Variants in CTNNA2 observed in about 807,000 individuals in gnomAD.
The protein encoded by CTNNA2 is catenin alpha-2.
CTNNA2 carries 42 observed loss-of-function variants against 101.0 expected under a neutral mutation model. That is an observed-to-expected ratio of 0.42 (90% CI 0.32 to 0.54). CTNNA2 has a LOEUF of 0.54. CTNNA2 is among the 20% of genes least tolerant of loss of function. CTNNA2 has a pLI of 0.14. For synonymous variants in CTNNA2, 450 were observed against 456.4 expected (o/e 0.99, Z 0.18); for missense variants, 871 against 1,223.1 (o/e 0.71, Z 4.29).
rs111941803 is a variant in CTNNA2, at chr2:80,152,575, A to C, written c.1057-240636A>C. Among the ~76,000 whole-genome samples, 767 of 152,288 alleles carry C rather than the reference A, an allele frequency of 5.0e-3. 9 individuals are homozygous for C. Among genetic ancestry groups the C allele is most frequent in the African/African-American group, 0.017 (719 of 41,558 alleles). On this transcript the variant is annotated intron_variant, in intron 7 of 18. Transcript: ENST00000402739. ...TATTAAAAGCTCCAAATGACTAGGAACAAAGTGCTTAATATTCTCCAGCAA... is the reference window on the plus strand; with the variant it reads ...TATTAAAAGCTCCAAATGACTAGGACCAAAGTGCTTAATATTCTCCAGCAA...
At chr2:79,759,460 T>C (rs1052736810) in intron 3 of CTNNA2, among the ~76,000 whole-genome samples, 1 of 152,148 alleles carries the variant, frequency 6.6e-6, no homozygotes, top group African/African-American at 2.4e-5. Flanking sequence ...TCCCATACTT[T>C]TTCTCTGGTT....
chr2:80,581,849 C>T, intron 14 of CTNNA2, 30 bp downstream of exon 14: 1 of 1,280,426 alleles, frequency 7.8e-7, no homozygotes, highest in Non-Finnish European at 1.1e-6. Context: ...TTTGGCTTGG[C>T]ACACAGGGAC....
chr2:79,514,023 G>A (rs1324554271), intron 1 of CTNNA2, among the ~76,000 whole-genome samples: 2 of 152,074 alleles, frequency 1.3e-5, no homozygotes, highest in African/African-American at 4.8e-5. Flanking sequence ...CAAACCACCC[G>A]CCTCATATTT....
chr2:79,642,651 A>G (rs1680524350), intron 1 of CTNNA2, among the ~76,000 whole-genome samples: 1 of 152,176 alleles, frequency 6.6e-6, no homozygotes, highest in Non-Finnish European at 1.5e-5. Context: ...AGGAAGAGTG[A>G]CAAATGCCAT....
At chr2:80,079,539 G>A (rs1490710681) in intron 7 of CTNNA2, among the ~76,000 whole-genome samples, 1 of 152,198 alleles carries the variant, frequency 6.6e-6, no homozygotes, top group Admixed American at 6.5e-5. Flanking sequence ...GTCCGGCTGG[G>A]CGCAGTGGCT....
chr2:79,270,418 T>G (rs541512814), intron 2 of CTNNA2, among the ~76,000 whole-genome samples: 1 of 152,200 alleles, frequency 6.6e-6, no homozygotes, highest in African/African-American at 2.4e-5. Flanking sequence ...GTGACGCCAG[T>G]CCCAAGGCCT....
At chr2:79,567,146 T>C (rs1044749116) in intron 1 of CTNNA2, among the ~76,000 whole-genome samples, 3 of 152,174 alleles carry the variant, frequency 2.0e-5, no homozygotes, top group Non-Finnish European at 4.4e-5. Context: ...TGTATTTGAC[T>C]TAAATACCTT....
chr2:79,832,354 T>G (rs1678992842), intron 3 of CTNNA2, among the ~76,000 whole-genome samples: 2 of 152,236 alleles, frequency 1.3e-5, no homozygotes, highest in African/African-American at 4.8e-5. Context: ...TTACTAATCC[T>G]GTGCTCTGGA....
At chr2:80,311,054 CA>C (rs1677528532) in intron 7 of CTNNA2, among the ~76,000 whole-genome samples, 2 of 151,430 alleles carry the variant, frequency 1.3e-5, no homozygotes, top group Admixed American at 6.6e-5. Context: ...AAAATTCAAT[CA>C]CCAGAGATGA....
chr2:79,959,637 A>G (rs139580997), intron 7 of CTNNA2, among the ~76,000 whole-genome samples: 2 of 152,358 alleles, frequency 1.3e-5, no homozygotes, highest in Non-Finnish European at 2.9e-5. Context: ...CCTTGCTAAT[A>G]GTGTCATGAG....
intron 2 of CTNNA2, among the ~76,000 whole-genome samples, chr2:79,678,427 C>T (rs999997611): frequency 1.3e-4 from 19 of 151,274 alleles, no homozygotes; most frequent in African/African-American, 4.6e-4. Flanking sequence ...TCCAGATACT[C>T]GGGAGGCTGA....
intron 4 of CTNNA2, among the ~76,000 whole-genome samples, chr2:79,416,257 C>CTTTTTTTTT (rs66830925): frequency 1.1e-5 from 1 of 94,656 alleles, no homozygotes; most frequent in Non-Finnish European, 2.1e-5. Context: ...CTTTCCTTTT[C>CTTTTTTTTT]TTTTTTTTTT....
intron 3 of CTNNA2, among the ~76,000 whole-genome samples, chr2:79,808,845 T>A (rs1231518187): frequency 6.6e-6 from 1 of 151,998 alleles, no homozygotes. Flanking sequence ...AATGTGCAGG[T>A]TTGTTACATA....
chr2:80,310,394 G>T (rs1411409333), intron 7 of CTNNA2, among the ~76,000 whole-genome samples: 1 of 152,166 alleles, frequency 6.6e-6, no homozygotes, highest in Non-Finnish European at 1.5e-5. Context: ...CTTTCAGCTG[G>T]TTTATTCCCA....
chr2:79,787,764 A>G (rs1248141712), intron 3 of CTNNA2, among the ~76,000 whole-genome samples: 1 of 151,728 alleles, frequency 6.6e-6, no homozygotes, highest in Non-Finnish European at 1.5e-5. Flanking sequence ...CCACTGTCAC[A>G]TCTCCTTTTA....
At chr2:80,406,417 A>G (rs1233463358) in intron 8 of CTNNA2, among the ~76,000 whole-genome samples, 2 of 152,074 alleles carry the variant, frequency 1.3e-5, no homozygotes, top group Non-Finnish European at 2.9e-5. Context: ...TCCAAGGGGC[A>G]GGGAGAAGTC....
At chr2:79,735,301 CATG>C (rs1558882813) in intron 2 of CTNNA2, among the ~76,000 whole-genome samples, 1 of 152,034 alleles carries the variant, frequency 6.6e-6, no homozygotes, top group Non-Finnish European at 1.5e-5. Context: ...AGAACAGGTG[CATG>C]AAGAAAAGGC....
chr2:80,018,506 G>A lies in CTNNA2; in HGVS notation c.1056+108709G>A, dbSNP rs369570175. Among the ~76,000 whole-genome samples the A allele has an allele frequency of 8.8e-3, 1,341 of 152,228 alleles. 21 individuals carry two copies. Among genetic ancestry groups the A allele is most frequent in the African/African-American group, 0.031 (1,275 of 41,544 alleles). On this transcript the variant is annotated intron_variant, in intron 7 of 18. Coordinates refer to ENST00000402739, the MANE Select transcript of CTNNA2 (RefSeq NM_001282597.3). ...TAAATCAGGACCTTGGCCGGGCACC[G>A]TGGCTCATGCCTATAATCCCAGCAC...
chr2:79,894,026 CTT>C (rs1270480360), intron 6 of CTNNA2, among the ~76,000 whole-genome samples: 39 of 144,148 alleles, frequency 2.7e-4, no homozygotes, highest in Non-Finnish European at 4.4e-4. Context: ...TCTTCTTCTT[CTT>C]CTTCTTCTTC....
Sources: gnomAD v4.1 joint callset for allele counts (sites outside exome capture counted in the v4.1 genomes callset) on GRCh38, gnomAD v4.1.1 for gene constraint, MANE v1.5 for transcripts, NCBI Gene and HGNC (gene_info 2026-07-23, HGNC 2026-07-21) for gene names.